PDGFRL: variants seen among roughly 807,000 people sequenced by gnomAD.
PDGFRL encodes the protein platelet-derived growth factor receptor-like protein.
A neutral mutation model predicts 37.2 loss-of-function variants in PDGFRL; 46 were observed. The ratio of observed to expected loss-of-function variants is 1.24; its 90% CI spans 0.98 to 1.58. The LOEUF is 1.58. Among genes scored for constraint, PDGFRL ranks in the 40% most tolerant of loss-of-function variants. The pLI, the probability that PDGFRL is intolerant of heterozygous loss-of-function variation, is 0.00. For synonymous variants in PDGFRL, 251 were observed against 184.3 expected, an observed-to-expected ratio of 1.36 and a Z score of -2.93; for missense variants, 692 against 467.6, an observed-to-expected ratio of 1.48 and a Z score of -4.43.
At chr8:17,602,518 A>G (rs1804187913) in intron 2 of PDGFRL, among the ~76,000 whole-genome samples, 1 of 152,056 alleles carries the variant, frequency 6.6e-6, no homozygotes, top group African/African-American at 2.4e-5. Context: ...AACTAACCTG[A>G]TTTCTAAAGA....
rs1169475868 is a variant in PDGFRL, at chr8:17,627,571, G to T, written c.506-916G>T. Among the ~76,000 whole-genome samples the T allele has an allele frequency of 2.0e-5, 3 of 151,632 alleles. No homozygotes were observed. The East Asian group carries it at 5.8e-4, about 30-fold the overall frequency. On this transcript the variant is annotated intron_variant, in intron 3 of 5. Coordinates refer to ENST00000251630, the MANE Select transcript of PDGFRL (RefSeq NM_001372073.1). ...AACCTCTGCTGCCTCCTGGGTTCAA[G>T]CAATTCTCATGCTTCAGCCTCCCAT...
At chr8:17,614,186 C>T (rs1003736113) in intron 2 of PDGFRL, among the ~76,000 whole-genome samples, 7 of 152,260 alleles carry the variant, frequency 4.6e-5, no homozygotes, top group African/African-American at 1.4e-4. Flanking sequence ...AGAGCTATTC[C>T]AGCCTAATTT....
At chr8:17,618,926 G>A (rs1399898806) in intron 2 of PDGFRL, among the ~76,000 whole-genome samples, 2 of 151,800 alleles carry the variant, frequency 1.3e-5, no homozygotes, top group Non-Finnish European at 2.9e-5. Context: ...CTAATTAGAA[G>A]CTTCCTGAAG....
At chr8:17,607,270 A>C (rs1804302044) in intron 2 of PDGFRL, among the ~76,000 whole-genome samples, 1 of 151,732 alleles carries the variant, frequency 6.6e-6, no homozygotes, top group Non-Finnish European at 1.5e-5. Flanking sequence ...AAGGTTCTCT[A>C]GATCACCCAT....
intron 2 of PDGFRL, among the ~76,000 whole-genome samples, chr8:17,619,818 T>C (rs1010956264): frequency 1.3e-5 from 2 of 152,340 alleles, no homozygotes; most frequent in East Asian, 1.9e-4. Context: ...GCTGCATAGC[T>C]ATTGCACCAA....
At position 17,621,134 on chromosome 8, in the gene PDGFRL, A is replaced by G. The variant is rs144384825; in HGVS notation, c.437A>G (p.Gln146Arg). The change falls in exon 3 of 6, where the codon CAG (glutamine) becomes CGG (arginine). Residue 146 changes from glutamine to arginine, a missense_variant. Coordinates refer to ENST00000251630, the MANE Select transcript of PDGFRL (RefSeq NM_001372073.1). ...ADTGEFSCWV[Q>R]LCSGYICRKD... The stretch of plus-strand genomic sequence containing the variant: ...ACAGGTGAATTCAGCTGCTGGGTGC[A>G]GCTCTGCAGCGGCTACATCTGCAGG... The G allele has an allele frequency of 1.2e-4, 187 of 1,611,962 alleles. 2 individuals are homozygous for G. The Middle Eastern group carries it at 3.5e-3, about 30-fold the overall frequency.
At chr8:17,628,459 TA>T in intron 3 of PDGFRL, 27 bp from the exon 4 acceptor site, 1 of 1,599,522 alleles carries the variant, frequency 6.3e-7, no homozygotes, top group Non-Finnish European at 8.6e-7. Context: ...CCGGAGTGAA[TA>T]AGCCTGTGTC....
upstream of PDGFRL, chr8:17,576,608 G>T (rs575370573): frequency 2.8e-5 from 13 of 469,270 alleles, no homozygotes; most frequent in Admixed American, 2.5e-4. Flanking sequence ...CTCACCACCA[G>T]AGGCCCGGGT....
intron 4 of PDGFRL, among the ~76,000 whole-genome samples, chr8:17,629,085 CTTT>C (rs397892660): frequency 0.017 from 2,149 of 122,860 alleles, 38 homozygotes; most frequent in African/African-American, 0.062. Context: ...GCCCTGCTAA[CTTT>C]TTTTTTTTTT....
chr8:17,621,122 G>A lies in PDGFRL; in HGVS notation c.425G>A (p.Ser142Asn). ...NSTSADTGEF[S>N]CWVQLCSGYI... Reference sequence around the variant, plus strand: ...ACCTCGGCAGACACAGGTGAATTCAGCTGCTGGGTGCAGCTCTGCAGCGGC... The same window carrying A: ...ACCTCGGCAGACACAGGTGAATTCAACTGCTGGGTGCAGCTCTGCAGCGGC... The change falls in exon 3 of 6, where the codon AGC becomes AAC. Residue 142 changes from serine (S) to asparagine (N), a missense_variant. By Grantham distance (46) the Ser-to-Asn change is conservative (BLOSUM62 1). Coordinates refer to ENST00000251630, the MANE Select transcript of PDGFRL (RefSeq NM_001372073.1). The A allele has an allele frequency of 6.2e-7, 1 of 1,612,252 alleles. No individual in the cohort carries two copies. The highest frequency in any genetic ancestry group is 8.5e-7 in the Non-Finnish European group (1 of 1,178,706).
intron 5 of PDGFRL, among the ~76,000 whole-genome samples, chr8:17,640,499 C>T (rs748750902): frequency 9.2e-5 from 14 of 152,234 alleles, no homozygotes; most frequent in Non-Finnish European, 1.6e-4. Context: ...TCCCCCTTCC[C>T]CTATGTGTGT....
chr8:17,583,897 G>A (rs1803760977), intron 1 of PDGFRL, among the ~76,000 whole-genome samples: 1 of 152,168 alleles, frequency 6.6e-6, no homozygotes, highest in Admixed American at 6.5e-5. Flanking sequence ...CAGATGCCCA[G>A]TCTTGAATCT....
intron 2 of PDGFRL, among the ~76,000 whole-genome samples, chr8:17,601,891 C>T (rs1164565066): frequency 6.6e-6 from 1 of 152,102 alleles, no homozygotes; most frequent in African/African-American, 2.4e-5. Flanking sequence ...TAGGTTGATT[C>T]CTTGTCTTTG....
intron 2 of PDGFRL, among the ~76,000 whole-genome samples, chr8:17,618,047 G>A (rs946996707): frequency 1.3e-5 from 2 of 151,230 alleles, no homozygotes; most frequent in African/African-American, 4.9e-5. Flanking sequence ...AACTAGCATT[G>A]ATCTTTCCAT....
At chr8:17,610,783 T>A (rs1199883267) in intron 2 of PDGFRL, among the ~76,000 whole-genome samples, 1 of 152,082 alleles carries the variant, frequency 6.6e-6, no homozygotes, top group Non-Finnish European at 1.5e-5. Flanking sequence ...TGGTGGCGCA[T>A]GCCTATAGTC....
At chr8:17,583,583 G>T (rs564673955) in intron 1 of PDGFRL, among the ~76,000 whole-genome samples, 2 of 152,290 alleles carry the variant, frequency 1.3e-5, no homozygotes, top group African/African-American at 4.8e-5. Context: ...GCAATGCTAT[G>T]ATTTGGATAT....
chr8:17,612,026 C>T (rs1056018055), intron 2 of PDGFRL, among the ~76,000 whole-genome samples: 3 of 152,154 alleles, frequency 2.0e-5, no homozygotes, highest in African/African-American at 7.2e-5. Flanking sequence ...GGCAGGTCCA[C>T]ACAGGCAGGG....
chr8:17,604,644 G>A (rs1804234708), intron 2 of PDGFRL, among the ~76,000 whole-genome samples: 1 of 152,046 alleles, frequency 6.6e-6, no homozygotes, highest in South Asian at 2.1e-4. Context: ...TAAATGACGA[G>A]TTAATGGGTG....
chr8:17,617,957 G>T (rs113685841), intron 2 of PDGFRL, among the ~76,000 whole-genome samples: 1 of 151,194 alleles, frequency 6.6e-6, no homozygotes, highest in Non-Finnish European at 1.5e-5. Context: ...TTGTCCACAT[G>T]GGGAGACTGT....
Sources: gnomAD v4.1 joint callset for allele counts (sites outside exome capture counted in the v4.1 genomes callset) on GRCh38, gnomAD v4.1.1 for gene constraint, MANE v1.5 for transcripts, NCBI Gene and HGNC (gene_info 2026-07-23, HGNC 2026-07-21) for gene names.